PPP5C: variants seen among roughly 807,000 people sequenced by gnomAD.
The protein encoded by PPP5C is serine/threonine-protein phosphatase 5.
Under a neutral mutation model 66.7 loss-of-function variants are expected in PPP5C, and 21 were observed. The observed-to-expected ratio is 0.31, with a 90% CI of 0.22 to 0.45. PPP5C has a LOEUF of 0.45. Ranked by LOEUF, PPP5C falls within the 20% of genes least tolerant of loss-of-function variation. The probability of loss-of-function intolerance (pLI) is 1.00; values close to 1 mark genes in which losing one functional copy is unlikely to be tolerated. For synonymous variants in PPP5C, 246 were observed against 257.4 expected (o/e 0.96, Z 0.43); for missense variants, 464 against 675.9 (o/e 0.69, Z 3.48).
At chr19:46,377,048 C>T (rs1009837400) in intron 4 of PPP5C, among the ~76,000 whole-genome samples, 2 of 152,138 alleles carry the variant, frequency 1.3e-5, no homozygotes, top group Admixed American at 6.5e-5. Context: ...GACAAGGCCC[C>T]CTGCCCTGAC....
chr19:46,348,791 A>G (rs565450678), intron 1 of PPP5C, among the ~76,000 whole-genome samples: 1 of 152,258 alleles, frequency 6.6e-6, no homozygotes, highest in East Asian at 1.9e-4. Flanking sequence ...TGAGGTGGAA[A>G]GGAAGCCAGG....
intron 2 of PPP5C, among the ~76,000 whole-genome samples, chr19:46,362,398 G>C (rs1302712651): frequency 3.3e-5 from 5 of 152,106 alleles, no homozygotes; most frequent in African/African-American, 9.7e-5. Context: ...AGTAGTTACT[G>C]TCTTAGCATC....
intron 2 of PPP5C, among the ~76,000 whole-genome samples, chr19:46,364,057 G>A (rs1294214220): frequency 1.3e-5 from 2 of 152,184 alleles, no homozygotes; most frequent in African/African-American, 4.8e-5. Flanking sequence ...GCCAGTCAAG[G>A]AGATCTTGTT....
intron 1 of PPP5C, among the ~76,000 whole-genome samples, chr19:46,349,960 G>T (rs1972153528): frequency 6.7e-6 from 1 of 150,362 alleles, no homozygotes; most frequent in South Asian, 2.1e-4. Context: ...AGGTTATGAT[G>T]AGTTTGCAGG....
In PPP5C at chr19:46,347,137, C is replaced by A. The variant is rs150667064; in HGVS notation, c.41C>A (p.Pro14His). ...GGCGAGAGGACTGAGTGTGCTGAGC[C>A]CCCCCGGGACGAACCCCCGGCTGAT... Reference protein sequence around the residue: ...AEGERTECAEPPRDEPPADGA... With the variant: ...AEGERTECAEHPRDEPPADGA... The change falls in exon 1 of 13, where the codon CCC becomes CAC. Residue 14 changes from proline (P) to histidine (H), a missense_variant. Around this residue, in one of 2 missense-constraint regions of PPP5C, gnomAD observed 77 missense variants for 49.9 expected, o/e 1.54. Transcript: ENST00000012443. 247 of 1,605,034 alleles carry A rather than the reference C, an allele frequency of 1.5e-4. 1 individual carries two copies. The highest frequency in any genetic ancestry group is 1.5e-3 in the Admixed American group (86 of 58,782).
At chr19:46,372,367 G>GT (rs111628439) in intron 2 of PPP5C, among the ~76,000 whole-genome samples, 83,774 of 151,044 alleles carry the variant, frequency 0.55, 23,383 homozygotes, top group South Asian at 0.73. Context: ...TACCTGGCTA[G>GT]CTTTTTGTTG....
At chr19:46,352,770 A>C (rs1972211601) in intron 1 of PPP5C, among the ~76,000 whole-genome samples, 2 of 149,682 alleles carry the variant, frequency 1.3e-5, no homozygotes, top group South Asian at 4.2e-4. Context: ...CAGTGAGCGG[A>C]GATCGCACCG....
chr19:46,361,239 C>T lies in PPP5C; in HGVS notation c.363+7250C>T, dbSNP rs1010019014. Among the ~76,000 whole-genome samples the T allele has an allele frequency of 3.3e-5, 5 of 149,492 alleles. No individual in the cohort carries two copies. The Admixed American group carries it at 3.4e-4, about 10-fold the overall frequency. ...CCACCTCCCGGATTCACCCCATTCT[C>T]CTGCCTCAGCCTCCTGAGTAGCTGT... On this transcript the variant is annotated intron_variant, in intron 2 of 12. Transcript: ENST00000012443.
Position 46,390,149 on chromosome 19 carries a change from G to A in PPP5C, c.1437+17G>A. On this transcript the variant is annotated intron_variant, in intron 12 of 12. Coordinates refer to ENST00000012443, the MANE Select transcript of PPP5C (RefSeq NM_006247.4). Reference sequence around the variant, plus strand: ...ACAGCAGTGGTGAGTCACCCCTCAGGGCCCCTGCCCCTTCCATCCCGGCCT... The same window carrying A: ...ACAGCAGTGGTGAGTCACCCCTCAGAGCCCCTGCCCCTTCCATCCCGGCCT... The A allele has an allele frequency of 6.2e-7, 1 of 1,612,880 alleles. No individual in the cohort carries two copies. The highest frequency in any genetic ancestry group is 8.5e-7 in the Non-Finnish European group (1 of 1,179,064).
In PPP5C at chr19:46,383,197, G is replaced by A. The variant is rs1029852084; in HGVS notation, c.634-214G>A. Reference sequence around the variant, plus strand: ...AATCAGGTTTTCGTACAAAACAATCGCAATGCTTCGGCACTGCACAGGCCA... The same window carrying A: ...AATCAGGTTTTCGTACAAAACAATCACAATGCTTCGGCACTGCACAGGCCA... On this transcript the variant is annotated intron_variant, in intron 4 of 12. Coordinates refer to ENST00000012443, the MANE Select transcript of PPP5C (RefSeq NM_006247.4). The surrounding 1 kb of genome is among the most constrained non-coding windows in gnomAD (Gnocchi z 5.0). The A allele has an allele frequency of 2.2e-5, 33 of 1,505,204 alleles. No individual in the cohort carries two copies. The highest frequency in any genetic ancestry group is 4.2e-5 in the African/African-American group (3 of 71,932). 93.2% of individuals were successfully genotyped at this position (1,505,204 alleles called of 1,614,324 possible).
chr19:46,387,659 C>CG (rs772966990), intron 9 of PPP5C: 4 of 1,499,978 alleles, frequency 2.7e-6, no homozygotes, highest in Non-Finnish European at 3.6e-6. Flanking sequence ...GACCATGGTG[C>CG]GGGGTGAAGG....
At position 46,372,955 on chromosome 19, in the gene PPP5C, C is replaced by G. The variant is rs1022892590; in HGVS notation, c.364-2649C>G. ...ACTGTCCCAGCTAGACCTTGCGTGTCGCAGCAGCTACAGTAGCAGCAGGCC... is the reference window on the plus strand; with the variant it reads ...ACTGTCCCAGCTAGACCTTGCGTGTGGCAGCAGCTACAGTAGCAGCAGGCC... On this transcript the variant is annotated intron_variant, in intron 2 of 12. Transcript: ENST00000012443. Among the ~76,000 whole-genome samples the G allele has an allele frequency of 2.0e-5, 3 of 152,240 alleles. No individual in the cohort carries two copies. In the South Asian group the frequency reaches 6.2e-4, roughly 32 times the overall value.
chr19:46,358,027 A>G (rs2147367345), intron 2 of PPP5C, among the ~76,000 whole-genome samples: 1 of 152,296 alleles, frequency 6.6e-6, no homozygotes, highest in East Asian at 1.9e-4. Context: ...TCCAGTGACC[A>G]GCCCCCATCC....
chr19:46,354,138 A>G (rs893585962), intron 2 of PPP5C, 149 bp downstream of exon 2: 38 of 1,240,436 alleles, frequency 3.1e-5, no homozygotes, highest in Non-Finnish European at 3.8e-5. Flanking sequence ...CCCAGGCCAG[A>G]GTACCCAGGC....
chr19:46,376,387 G>T lies in PPP5C; in HGVS notation c.512-66G>T. ...CCAAGTTTTCCCCATCCCTGGGAGC[G>T]AGACCCCCTTCTCCCTCATAGTGGC... On this transcript the variant is annotated intron_variant, in intron 3 of 12. Transcript: ENST00000012443. The surrounding 1 kb of genome is among the most constrained non-coding windows in gnomAD (Gnocchi z 5.1). 3 of 1,584,932 alleles carry T rather than the reference G, an allele frequency of 1.9e-6. No homozygotes were observed. The South Asian group carries it at 3.4e-5, about 18-fold the overall frequency.
intron 1 of PPP5C, among the ~76,000 whole-genome samples, chr19:46,350,814 C>T (rs960248027): frequency 2.6e-5 from 4 of 152,052 alleles, no homozygotes; most frequent in South Asian, 2.1e-4. Context: ...TCCCCTTCCT[C>T]GCCACGTGCT....
chr19:46,390,289 T>C lies in PPP5C; in HGVS notation c.1443T>C (p.His481=), dbSNP rs1972994061. 28 of 1,592,618 alleles carry C rather than the reference T, an allele frequency of 1.8e-5. No individual in the cohort carries two copies. Among genetic ancestry groups the C allele is most frequent in the Non-Finnish European group, 2.4e-5 (28 of 1,169,476 alleles). The part of the protein sequence containing the change: ...PQFHQFTAVP[H]PNVKPMAYAN... ...CACCTGCCCTGGTCCCACAGCCTCA[T>C]CCCAACGTCAAGCCCATGGCCTATG... is the stretch of plus-strand genomic sequence containing the variant. Residue 481 remains histidine (H), a synonymous_variant, in exon 13 of 13, where the codon CAT becomes CAC. Transcript: ENST00000012443.
chr19:46,363,853 G>A, intron 2 of PPP5C, among the ~76,000 whole-genome samples: 1 of 152,170 alleles, frequency 6.6e-6, no homozygotes, highest in Admixed American at 6.5e-5. Flanking sequence ...ATGTACACAT[G>A]TATGTATCGA....
At chr19:46,380,287 TC>T (rs1451276273) in intron 4 of PPP5C, among the ~76,000 whole-genome samples, 2 of 151,268 alleles carry the variant, frequency 1.3e-5, no homozygotes, top group Non-Finnish European at 2.9e-5. Flanking sequence ...GCCACTGCAC[TC>T]CAGCCTGGGC....
Sources: gnomAD v4.1 joint callset for allele counts (sites outside exome capture counted in the v4.1 genomes callset) on GRCh38, gnomAD v4.1.1 for gene constraint, gnomAD v4.1.1 regional missense constraint, Gnocchi (gnomAD v3.1) non-coding constraint, MANE v1.5 for transcripts, NCBI Gene and HGNC (gene_info 2026-07-23, HGNC 2026-07-21) for gene names.